Variants in ABRAXAS1 observed in about 807,000 individuals in gnomAD.
ABRAXAS1 encodes BRCA1-A complex subunit Abraxas 1.
A neutral mutation model predicts 38.4 loss-of-function variants in ABRAXAS1; 26 were observed. The ratio of observed to expected loss-of-function variants is 0.68; its 90% CI spans 0.50 to 0.94. ABRAXAS1 has a LOEUF of 0.94. ABRAXAS1 is among the 40% of genes least tolerant of loss of function. ABRAXAS1 has a pLI of 0.00. For synonymous variants in ABRAXAS1, 144 were observed against 165.5 expected (o/e 0.87, Z 1.00); for missense variants, 438 against 481.9 (o/e 0.91, Z 0.85).
At position 83,485,053 on chromosome 4, in the gene ABRAXAS1, G is replaced by A. The variant is rs1723136070; in HGVS notation, c.20C>T (p.Ser7Leu). Residue 7 changes from serine (S) to leucine (L), a missense_variant, in exon 1 of 9, where the codon TCG becomes TTG. Coordinates refer to ENST00000321945, the MANE Select transcript of ABRAXAS1 (RefSeq NM_139076.3). ...GAGCACAAAGCCCGAGAGCACCGCC[G>A]ACGTACTCTCCCCCTCCATGCTACC... is the stretch of plus-strand genomic sequence containing the variant. MEGEST[S>L]AVLSGFVLGA... 4 of 1,594,172 alleles carry A rather than the reference G, an allele frequency of 2.5e-6. No individual in the cohort carries two copies. Among genetic ancestry groups the A allele is most frequent in the South Asian group, 1.1e-5 (1 of 88,950 alleles).
In ABRAXAS1 at chr4:83,470,417, G is replaced by GAT. The variant is rs779913611; in HGVS notation, c.283-23_283-22dup. 2.6e-6 allele frequency: 4 copies of GAT among 1,555,414 alleles called. No homozygotes were observed. In the South Asian group the frequency reaches 4.6e-5, roughly 18 times the overall value. On this transcript the variant is annotated intron_variant, in intron 4 of 8. Coordinates refer to ENST00000321945, the MANE Select transcript of ABRAXAS1 (RefSeq NM_139076.3). ...ACATTCTGAAATACAGAATAAAAAG[G>GAT]ATATACATCTTAATAGTTACAATGA...
chr4:83,459,827 A>G lies in ABRAXAS1; in HGVS notation c.*2642T>C. The stretch of plus-strand genomic sequence containing the variant: ...GTTCTTTTTTATTATGGGAATATAA[A>G]TGTAGATACGAATTATATCAATCTA... On this transcript the variant is annotated 3_prime_UTR_variant, in exon 9 of 9. Coordinates refer to ENST00000321945, the MANE Select transcript of ABRAXAS1 (RefSeq NM_139076.3). 6.6e-7 allele frequency: 1 copy of G among 1,509,984 alleles called. No homozygotes were observed. Among genetic ancestry groups the G allele is most frequent in the East Asian group, 2.3e-5 (1 of 44,000 alleles). 93.5% of individuals were successfully genotyped at this position (1,509,984 alleles called of 1,614,324 possible).
chr4:83,468,989 C>G (rs201558939), intron 6 of ABRAXAS1, 43 bp downstream of exon 6: 7 of 1,586,182 alleles, frequency 4.4e-6, no homozygotes, highest in Non-Finnish European at 6.0e-6. Flanking sequence ...AAATTAATTT[C>G]AAAGATGAAT....
In ABRAXAS1 at chr4:83,459,999, A is replaced by G. The variant is rs1333094962; in HGVS notation, c.*2470T>C. ...TTTGCTGTCTTATGCAGAGTTAACT[A>G]TATAGAAAAACTGGGCTTTAAAAAA... On this transcript the variant is annotated 3_prime_UTR_variant, in exon 9 of 9. Coordinates refer to ENST00000321945, the MANE Select transcript of ABRAXAS1 (RefSeq NM_139076.3). 7.1e-6 allele frequency: 3 copies of G among 420,784 alleles called. No homozygotes were observed. The highest frequency in any genetic ancestry group is 4.2e-5 in the Admixed American group (1 of 23,808). 26.1% of individuals were successfully genotyped at this position (420,784 alleles called of 1,614,324 possible).
Position 83,461,277 on chromosome 4 carries a change from G to C in ABRAXAS1, c.*1192C>G. The stretch of plus-strand genomic sequence containing the variant: ...CCAATACTGACTCAAACCAACCTTT[G>C]GATAGAAAAGTGTTTGAGGAGTGAG... On this transcript the variant is annotated 3_prime_UTR_variant, in exon 9 of 9. Transcript: ENST00000321945. The C allele has an allele frequency of 9.1e-6, 11 of 1,213,216 alleles. No individual in the cohort carries two copies. The highest frequency in any genetic ancestry group is 1.2e-5 in the Non-Finnish European group (10 of 822,056). 75.2% of individuals were successfully genotyped at this position (1,213,216 alleles called of 1,614,324 possible).
chr4:83,468,884 C>T lies in ABRAXAS1; in HGVS notation c.596+148G>A. On this transcript the variant is annotated intron_variant, in intron 6 of 8. Transcript: ENST00000321945. ...TATCTTGTAAGTACACAAGCAGTAA[C>T]AGGAGTATGAGGAAGGTAAAAACAG... is the stretch of plus-strand genomic sequence containing the variant. 3 of 841,826 alleles carry T rather than the reference C, an allele frequency of 3.6e-6. No individual in the cohort carries two copies. The South Asian group carries it at 5.0e-5, about 14-fold the overall frequency. 52.1% of individuals were successfully genotyped at this position (841,826 alleles called of 1,614,324 possible).
chr4:83,469,175 A>G (rs749784733), intron 5 of ABRAXAS1, 24 bp from the exon 6 acceptor site: 56 of 1,603,682 alleles, frequency 3.5e-5, no homozygotes, highest in Non-Finnish European at 4.8e-5. Context: ...ACTTTAGAGT[A>G]TAAACTTAGA....
In ABRAXAS1 at chr4:83,467,336, A is replaced by C. The variant is rs1456511345; in HGVS notation, c.681+118T>G. 4.6e-6 allele frequency: 3 copies of C among 652,648 alleles called. No individual in the cohort carries two copies. In the African/African-American group the frequency reaches 5.6e-5, roughly 12 times the overall value. 40.4% of individuals were successfully genotyped at this position (652,648 alleles called of 1,614,324 possible). A position where few individuals can be genotyped will look rare whatever the true frequency, so the allele number is the denominator to read the frequency against. Reference sequence around the variant, plus strand: ...CTCAGAAGGTACATAGCCTTCATTAAGCAACTCATAACTGTATAAATCTAA... The same window carrying C: ...CTCAGAAGGTACATAGCCTTCATTACGCAACTCATAACTGTATAAATCTAA... On this transcript the variant is annotated intron_variant, in intron 7 of 8. Transcript: ENST00000321945.
At chr4:83,476,434 A>G (rs1722770661) in intron 3 of ABRAXAS1, among the ~76,000 whole-genome samples, 1 of 152,196 alleles carries the variant, frequency 6.6e-6, no homozygotes, top group Non-Finnish European at 1.5e-5. Flanking sequence ...AATGAAGATC[A>G]GCATTAAGTA....
At chr4:83,484,349 C>A (rs561570333) in intron 1 of ABRAXAS1, among the ~76,000 whole-genome samples, 7 of 152,178 alleles carry the variant, frequency 4.6e-5, no homozygotes, top group African/African-American at 1.2e-4. Flanking sequence ...TAACTACTTC[C>A]GAGCTCAACG....
In ABRAXAS1 at chr4:83,459,644, G is replaced by A. The variant is rs1460799905; in HGVS notation, c.*2825C>T. On this transcript the variant is annotated 3_prime_UTR_variant, in exon 9 of 9. Coordinates refer to ENST00000321945, the MANE Select transcript of ABRAXAS1 (RefSeq NM_139076.3). ...TGAAATGTGTCTGAAATTTAGTAAA[G>A]CTTTATATAACCTGAAGGTTGTTTT... 9.5e-7 allele frequency: 1 copy of A among 1,056,810 alleles called. No individual in the cohort carries two copies. Among genetic ancestry groups the A allele is most frequent in the African/African-American group, 1.6e-5 (1 of 62,490 alleles). 65.5% of individuals were successfully genotyped at this position (1,056,810 alleles called of 1,614,324 possible).
intron 6 of ABRAXAS1, 102 bp from the exon 7 acceptor site, chr4:83,467,640 C>T (rs1722422173): frequency 1.5e-6 from 1 of 671,848 alleles, no homozygotes; most frequent in African/African-American, 1.8e-5. Flanking sequence ...AGTCTTTTTA[C>T]TGGTTTTGTA....
chr4:83,472,677 A>G (rs1722626254), intron 3 of ABRAXAS1, among the ~76,000 whole-genome samples: 1 of 152,236 alleles, frequency 6.6e-6, no homozygotes, highest in Non-Finnish European at 1.5e-5. Context: ...ATGTATAACC[A>G]GTAATGAAGC....
intron 8 of ABRAXAS1, 96 bp from the exon 9 acceptor site, chr4:83,462,998 T>TA: frequency 2.5e-6 from 2 of 815,542 alleles, no homozygotes; most frequent in Non-Finnish European, 3.8e-6. Context: ...AAAAAGATTT[T>TA]AACAGTTGTA....
chr4:83,463,025 T>A (rs1382578821), intron 8 of ABRAXAS1, 123 bp from the exon 9 acceptor site: 4 of 650,906 alleles, frequency 6.1e-6, no homozygotes, highest in South Asian at 2.1e-5. Flanking sequence ...AAAGTGAGGA[T>A]AACATACATA....
intron 7 of ABRAXAS1, among the ~76,000 whole-genome samples, chr4:83,465,749 T>C (rs1435624419): frequency 1.3e-5 from 2 of 152,150 alleles, no homozygotes; most frequent in African/African-American, 2.4e-5. Flanking sequence ...GATCATGCCA[T>C]TGCTCTCCAG....
intron 2 of ABRAXAS1, 55 bp downstream of exon 2, chr4:83,482,099 C>A: frequency 8.8e-7 from 1 of 1,137,892 alleles, no homozygotes; most frequent in Admixed American, 2.2e-5. Context: ...TCAGCATAAA[C>A]TATCAAATAT....
intron 7 of ABRAXAS1, among the ~76,000 whole-genome samples, chr4:83,465,983 C>T (rs899116512): frequency 2.6e-5 from 4 of 152,220 alleles, no homozygotes; most frequent in African/African-American, 9.6e-5. Flanking sequence ...GTTGACTTAA[C>T]AGCCCCAGCT....
At chr4:83,480,285 T>C (rs1722947259) in intron 2 of ABRAXAS1, 1 of 356,898 alleles carries the variant, frequency 2.8e-6, no homozygotes, top group African/African-American at 2.2e-5. Flanking sequence ...GGCAGGAGAA[T>C]CGCTTGACCT....
Sources: gnomAD v4.1 joint callset for allele counts (sites outside exome capture counted in the v4.1 genomes callset) on GRCh38, gnomAD v4.1.1 for gene constraint, MANE v1.5 for transcripts, NCBI Gene and HGNC (gene_info 2026-07-23, HGNC 2026-07-21) for gene names.